Variants in SERPINE2 observed in about 807,000 individuals in gnomAD.
The protein encoded by SERPINE2 is serpin family E member 2.
SERPINE2 carries 14 observed loss-of-function variants against 36.3 expected under a neutral mutation model. The observed-to-expected ratio is 0.39, with a 90% CI of 0.25 to 0.60. SERPINE2 has a LOEUF of 0.60. SERPINE2 is among the 20% of genes least tolerant of loss of function. The probability of loss-of-function intolerance (pLI) is 0.57; values close to 1 mark genes in which losing one functional copy is unlikely to be tolerated. For synonymous variants in SERPINE2, 192 were observed against 191.8 expected (o/e 1.00, Z -0.01); for missense variants, 418 against 499.6 (o/e 0.84, Z 1.56).
chr2:224,009,051 T>C (rs1046223948), intron 1 of SERPINE2, among the ~76,000 whole-genome samples: 1 of 152,146 alleles, frequency 6.6e-6, no homozygotes, highest in African/African-American at 2.4e-5. Context: ...TCAAAGTGGA[T>C]TGCCCTCGTG....
At chr2:224,010,663 T>C (rs1003027412) in intron 1 of SERPINE2, among the ~76,000 whole-genome samples, 1 of 152,218 alleles carries the variant, frequency 6.6e-6, no homozygotes, top group South Asian at 2.1e-4. Flanking sequence ...ACAATCTTCA[T>C]CCGTCTTAGC....
chr2:224,029,945 C>G, intron 1 of SERPINE2: 3 of 581,922 alleles, frequency 5.2e-6, no homozygotes, highest in Non-Finnish European at 6.5e-6. Flanking sequence ...GATCTGCCCA[C>G]CTCAGCCTCC....
At chr2:224,012,122 T>C (rs747552978) in intron 1 of SERPINE2, among the ~76,000 whole-genome samples, 7 of 152,210 alleles carry the variant, frequency 4.6e-5, no homozygotes, top group Non-Finnish European at 1.0e-4. Flanking sequence ...CCCCATGAGC[T>C]CTGAGTGTGG....
chr2:223,980,845 A>G (rs1574808407), intron 6 of SERPINE2: 1 of 153,444 alleles, frequency 6.5e-6, no homozygotes, highest in East Asian at 1.8e-4. Context: ...GTTCCCTGCA[A>G]TCATACGGCT....
chr2:224,015,489 A>C (rs1691771489), intron 1 of SERPINE2, among the ~76,000 whole-genome samples: 1 of 152,196 alleles, frequency 6.6e-6, no homozygotes, highest in African/African-American at 2.4e-5. Context: ...TTGTGTTGGG[A>C]GGTACCATGG....
Position 223,975,748 on chromosome 2 carries a change from T to C in SERPINE2, c.*119A>G, listed in dbSNP as rs1689984559. Reference sequence around the variant, plus strand: ...TTGCATCGAGTCTGTTCCTAAGAACTAGTTTTGAAAAAGAAGCGATGTACA... The same window carrying C: ...TTGCATCGAGTCTGTTCCTAAGAACCAGTTTTGAAAAAGAAGCGATGTACA... On this transcript the variant is annotated 3_prime_UTR_variant, in exon 9 of 9. Coordinates refer to ENST00000409304, the MANE Select transcript of SERPINE2 (RefSeq NM_001136528.2). 5.1e-6 allele frequency: 4 copies of C among 779,240 alleles called. No individual in the cohort carries two copies. Among genetic ancestry groups the C allele is most frequent in the South Asian group, 4.7e-5 (2 of 42,142 alleles). 48.3% of individuals were successfully genotyped at this position (779,240 alleles called of 1,614,324 possible).
chr2:224,038,529 G>A (rs1692603651), intron 1 of SERPINE2: 1 of 1,551,162 alleles, frequency 6.4e-7, no homozygotes, highest in African/African-American at 1.4e-5. Context: ...CGTTTCTACA[G>A]ATGATGAAAA....
chr2:224,028,901 C>G (rs982741581), intron 1 of SERPINE2, among the ~76,000 whole-genome samples: 1 of 152,208 alleles, frequency 6.6e-6, no homozygotes, highest in African/African-American at 2.4e-5. Context: ...GAGCAGTACA[C>G]AAGCACAATT....
At chr2:223,993,658 A>C (rs780098714) in intron 3 of SERPINE2, among the ~76,000 whole-genome samples, 2 of 152,166 alleles carry the variant, frequency 1.3e-5, no homozygotes, top group Admixed American at 6.5e-5. Context: ...AGAATATCTA[A>C]TTCAGGGGTG....
intron 1 of SERPINE2, among the ~76,000 whole-genome samples, chr2:224,019,124 C>A (rs530177171): frequency 6.6e-6 from 1 of 152,244 alleles, no homozygotes; most frequent in East Asian, 1.9e-4. Flanking sequence ...TCAGTGGATG[C>A]CTGAAACCAT....
intron 1 of SERPINE2, among the ~76,000 whole-genome samples, chr2:224,027,304 T>C (rs188537827): frequency 4.3e-4 from 65 of 152,294 alleles, no homozygotes; most frequent in African/African-American, 1.5e-3. Flanking sequence ...GCCTCTCACG[T>C]GGTGAGGCAA....
chr2:224,022,240 G>A (rs1227988221), intron 1 of SERPINE2, among the ~76,000 whole-genome samples: 2 of 150,858 alleles, frequency 1.3e-5, no homozygotes. Context: ...GCTGAGGTGG[G>A]AGAATCACTT....
chr2:224,031,554 TG>T, intron 1 of SERPINE2: 1 of 958,184 alleles, frequency 1.0e-6, no homozygotes, highest in Non-Finnish European at 1.2e-6. Context: ...CGGAAGGGCA[TG>T]TGACCACGTG....
intron 4 of SERPINE2, among the ~76,000 whole-genome samples, chr2:223,988,758 A>G (rs1690532892): frequency 6.6e-6 from 1 of 152,246 alleles, no homozygotes; most frequent in Non-Finnish European, 1.5e-5. Context: ...TATGTACAAG[A>G]ATACTCACTG....
rs529366744 is a variant in SERPINE2 at position 223,997,562 on chromosome 2, T to A, written c.487+553A>T. ...AACACCAACGTTAGACTCTCCTTTATTTAATGGGAGAAGAGACACTTACAA... is the reference window on the plus strand; with the variant it reads ...AACACCAACGTTAGACTCTCCTTTAATTAATGGGAGAAGAGACACTTACAA... On this transcript the variant is annotated intron_variant, in intron 3 of 8. Coordinates refer to ENST00000409304, the MANE Select transcript of SERPINE2 (RefSeq NM_001136528.2). Among the ~76,000 whole-genome samples the A allele has an allele frequency of 5.9e-5, 9 of 152,318 alleles. No individual in the cohort carries two copies. In the South Asian group the frequency reaches 1.9e-3, roughly 32 times the overall value.
chr2:224,026,285 T>C (rs1359435303), intron 1 of SERPINE2, among the ~76,000 whole-genome samples: 2 of 152,270 alleles, frequency 1.3e-5, no homozygotes, highest in Non-Finnish European at 2.9e-5. Flanking sequence ...CGGTACATAT[T>C]TGGGTTTATT....
chr2:224,013,664 G>T (rs2106182508), intron 1 of SERPINE2, among the ~76,000 whole-genome samples: 1 of 152,318 alleles, frequency 6.6e-6, no homozygotes, highest in East Asian at 1.9e-4. Context: ...TGATAGAGCT[G>T]GCTTTGGCTT....
chr2:224,015,676 G>A (rs530315999), intron 1 of SERPINE2, among the ~76,000 whole-genome samples: 40 of 152,268 alleles, frequency 2.6e-4, no homozygotes, highest in Middle Eastern at 3.4e-3. Context: ...CTTGTTCCAT[G>A]GCTCTCTTTC....
At chr2:223,980,511 C>G (rs1690191741) in intron 6 of SERPINE2, 114 bp from the exon 7 acceptor site, 1 of 829,634 alleles carries the variant, frequency 1.2e-6, no homozygotes, top group African/African-American at 1.7e-5. Context: ...TTTAAAGTGT[C>G]AGAAGACATG....
Sources: gnomAD v4.1 joint callset for allele counts (sites outside exome capture counted in the v4.1 genomes callset) on GRCh38, gnomAD v4.1.1 for gene constraint, MANE v1.5 for transcripts, NCBI Gene and HGNC (gene_info 2026-07-23, HGNC 2026-07-21) for gene names.